The following LONRF2 variants were observed in gnomAD, a reference collection of about 807,000 sequenced individuals.
LONRF2 encodes LON peptidase N-terminal domain and ring finger 2, also known as LON peptidase N-terminal domain and RING finger protein 2.
In LONRF2, 35 loss-of-function variants were observed where a neutral mutation model predicts 66.6. The ratio of observed to expected loss-of-function variants is 0.53; its 90% CI spans 0.40 to 0.70. LONRF2 has a LOEUF of 0.70. Ranked by LOEUF, LONRF2 falls within the 30% of genes least tolerant of loss-of-function variation. The probability of loss-of-function intolerance (pLI) is 0.00; values close to 1 mark genes in which losing one functional copy is unlikely to be tolerated. For synonymous variants in LONRF2, 417 were observed against 418.1 expected (o/e 1.00, Z 0.03); for missense variants, 902 against 1,002.1 (o/e 0.90, Z 1.35).
Position 100,298,949 on chromosome 2 carries a change from A to G in LONRF2, c.1363T>C (p.Leu455=), listed in dbSNP as rs1675124517. The change falls in exon 7 of 12, where the codon TTG becomes CTG. Residue 455 remains leucine (L), a splice_region_variant and synonymous_variant. Transcript: ENST00000393437. The part of the protein sequence containing the change: ...TDFECALCMR[L]LFEPVTTPCG... ...GGCGTAGTGACAGGTTCAAAGAGCA[A>G]TCTGGAAGAAAATATCTGTTTTCAG... 6.2e-7 allele frequency: 1 copy of G among 1,608,786 alleles called. No individual in the cohort carries two copies. Among genetic ancestry groups the G allele is most frequent in the Non-Finnish European group, 8.5e-7 (1 of 1,175,274 alleles).
Position 100,275,674 on chromosome 2 carries a change from G to C in LONRF2, c.*8624C>G, listed in dbSNP as rs558962117. On this transcript the variant is annotated 3_prime_UTR_variant, in exon 12 of 12. Transcript: ENST00000393437. ...TGAGGTTTGAGGAAAAGGGGAAGGG[G>C]TGGGACACTTTGTTCCCACTCCCCT... 6.6e-6 allele frequency: 1 copy of C among 152,242 alleles called. No homozygotes were observed. The highest frequency in any genetic ancestry group is 1.9e-4 in the East Asian group (1 of 5,168). The allele number at this position is 152,242 out of a possible 1,614,324, so 9.4% of individuals were successfully genotyped here. A position where few individuals can be genotyped will look rare whatever the true frequency, so the allele number is the denominator to read the frequency against.
intron 11 of LONRF2, among the ~76,000 whole-genome samples, chr2:100,285,036 T>C (rs1215234947): frequency 6.6e-6 from 1 of 152,226 alleles, no homozygotes; most frequent in African/African-American, 2.4e-5. Context: ...AACCTTTATT[T>C]CACATAATCA....
chr2:100,294,292 A>C lies in LONRF2; in HGVS notation c.1694T>G (p.Ile565Arg), dbSNP rs1286059517. 2.5e-6 allele frequency: 4 copies of C among 1,609,276 alleles called. No homozygotes were observed. Among genetic ancestry groups the C allele is most frequent in the Non-Finnish European group, 3.4e-6 (4 of 1,178,296 alleles). Residue 565 changes from isoleucine (I) to arginine (R), a missense_variant, in exon 9 of 12, where the codon ATA (isoleucine) becomes AGA (arginine). Ile to Arg is a moderately conservative substitution (Grantham distance 97). Transcript: ENST00000393437. ...HVFEPRYRLM[I>R]RRCMETGTKR... ...GGTGCCAGTTTCCATGCATCTTCTTATCATAAGCCGATAGCGGGGCTCAAA... is the reference window on the plus strand; with the variant it reads ...GGTGCCAGTTTCCATGCATCTTCTTCTCATAAGCCGATAGCGGGGCTCAAA...
At chr2:100,301,625 G>A (rs1279670321) in intron 3 of LONRF2, among the ~76,000 whole-genome samples, 1 of 152,192 alleles carries the variant, frequency 6.6e-6, no homozygotes, top group Non-Finnish European at 1.5e-5. Flanking sequence ...ATTGTTTTTG[G>A]TACCGTCTGT....
rs576661095 is a variant in LONRF2 at position 100,275,613 on chromosome 2, G to A, written c.*8685C>T. ...GTTGTGACTCATTCCTCAATCCGGT[G>A]GGATGCAAAGGATCTATCCATAGAG... is the stretch of plus-strand genomic sequence containing the variant. On this transcript the variant is annotated 3_prime_UTR_variant, in exon 12 of 12. Transcript: ENST00000393437. 6.6e-6 allele frequency: 1 copy of A among 152,330 alleles called. No individual in the cohort carries two copies. Among genetic ancestry groups the A allele is most frequent in the South Asian group, 2.1e-4 (1 of 4,820 alleles). 9.4% of individuals were successfully genotyped at this position (152,330 alleles called of 1,614,324 possible).
At chr2:100,300,005 C>A in intron 4 of LONRF2, 87 bp from the exon 5 acceptor site, 5 of 512,140 alleles carry the variant, frequency 9.8e-6, no homozygotes, top group Non-Finnish European at 8.8e-6. Context: ...TACTAGAAAT[C>A]TTTGGAAAAA....
chr2:100,320,229 G>A (rs551270214), intron 1 of LONRF2, among the ~76,000 whole-genome samples: 73 of 152,198 alleles, frequency 4.8e-4, no homozygotes, highest in African/African-American at 1.7e-3. Flanking sequence ...ATTATGTGTG[G>A]CTTACACAAT....
intron 10 of LONRF2, among the ~76,000 whole-genome samples, chr2:100,287,686 C>G (rs1183202676): frequency 1.3e-5 from 2 of 152,232 alleles, no homozygotes; most frequent in Admixed American, 1.3e-4. Flanking sequence ...AGCTTGGCCT[C>G]TGGTCCCTAT....
intron 1 of LONRF2, among the ~76,000 whole-genome samples, chr2:100,311,241 T>C (rs2104206295): frequency 6.6e-6 from 1 of 152,230 alleles, no homozygotes; most frequent in East Asian, 1.9e-4. Context: ...TTAAATGCAT[T>C]TTGAAATATA....
rs537979889 is a variant in LONRF2, at chr2:100,276,177, C to T, written c.*8121G>A. ...CCTATTGGCTTTTGTGTCTCCATAA[C>T]TTAGGTTCTAAATTAATTGTAACAT... On this transcript the variant is annotated 3_prime_UTR_variant, in exon 12 of 12. Transcript: ENST00000393437. 7 of 152,254 alleles carry T rather than the reference C, an allele frequency of 4.6e-5. No homozygotes were observed. In the South Asian group the frequency reaches 1.5e-3, roughly 32 times the overall value. 9.4% of individuals were successfully genotyped at this position (152,254 alleles called of 1,614,324 possible).
In LONRF2 at chr2:100,299,767, T is replaced by A; in HGVS notation, c.1217A>T (p.Asp406Val). 1 of 1,614,094 alleles carries A rather than the reference T, an allele frequency of 6.2e-7. No individual in the cohort carries two copies. The highest frequency in any genetic ancestry group is 8.5e-7 in the Non-Finnish European group (1 of 1,179,984). ...SAGLKRQFPD[D>V]VEDAPDLNAP... Reference sequence around the variant, plus strand: ...GTTCAGGTCAGGTGCATCCTCCACGTCATCCGGAAACTGTCTCTTTAAGCC... The same window carrying A: ...GTTCAGGTCAGGTGCATCCTCCACGACATCCGGAAACTGTCTCTTTAAGCC... Residue 406 changes from aspartate to valine, a missense_variant, in exon 5 of 12, where the codon GAC (aspartate) becomes GTC (valine). By Grantham distance (152) the Asp-to-Val change is radical (BLOSUM62 -3). This residue lies in a region of LONRF2 where 585 missense variants were observed against 569.9 expected (regional missense o/e 1.03). Transcript: ENST00000393437.
Position 100,279,879 on chromosome 2 carries a change from G to T in LONRF2, c.*4419C>A, listed in dbSNP as rs769417428. On this transcript the variant is annotated 3_prime_UTR_variant, in exon 12 of 12. Coordinates refer to ENST00000393437, the MANE Select transcript of LONRF2 (RefSeq NM_198461.4). ...ACATACAGTAGAGGGTCTGAGCCAC[G>T]TTCCTCCTCACTCCTGCTTCTGCCT... The T allele has an allele frequency of 6.6e-6, 1 of 152,300 alleles. No individual in the cohort carries two copies. The allele number at this position is 152,300 out of a possible 1,614,324, so 9.4% of individuals were successfully genotyped here.
At chr2:100,289,322 G>T (rs758410992) in intron 10 of LONRF2, among the ~76,000 whole-genome samples, 5 of 152,036 alleles carry the variant, frequency 3.3e-5, no homozygotes, top group Admixed American at 6.6e-5. Context: ...CTTATTAGCC[G>T]GCCCTTTACA....
At chr2:100,304,291 G>A (rs1675244571) in intron 2 of LONRF2, among the ~76,000 whole-genome samples, 1 of 149,134 alleles carries the variant, frequency 6.7e-6, no homozygotes, top group Admixed American at 6.7e-5. Context: ...TCAGACTACA[G>A]GCACATGCCA....
chr2:100,275,434 T>G lies in LONRF2; in HGVS notation c.*8864A>C, dbSNP rs1293337802. On this transcript the variant is annotated 3_prime_UTR_variant, in exon 12 of 12. Coordinates refer to ENST00000393437, the MANE Select transcript of LONRF2 (RefSeq NM_198461.4). ...TGAGGGGCCCTCCCCCAGCATCCAGTGAGGAATTAATCGCACTCCTGGGCA... is the reference window on the plus strand; with the variant it reads ...TGAGGGGCCCTCCCCCAGCATCCAGGGAGGAATTAATCGCACTCCTGGGCA... 1 of 152,204 alleles carries G rather than the reference T, an allele frequency of 6.6e-6. No individual in the cohort carries two copies. Among genetic ancestry groups the G allele is most frequent in the Non-Finnish European group, 1.5e-5 (1 of 68,052 alleles). 9.4% of individuals were successfully genotyped at this position (152,204 alleles called of 1,614,324 possible).
intron 10 of LONRF2, 32 bp downstream of exon 10, chr2:100,290,226 G>C (rs370082763): frequency 6.3e-7 from 1 of 1,585,052 alleles, no homozygotes; most frequent in East Asian, 2.3e-5. Context: ...AGGACCGACT[G>C]CTATAAAATA....
intron 9 of LONRF2, 138 bp downstream of exon 9, chr2:100,294,091 G>A (rs1675014481): frequency 3.3e-6 from 3 of 912,646 alleles, no homozygotes; most frequent in East Asian, 2.7e-5. Context: ...TGCATTGTGG[G>A]CAGCCTTGAA....
At chr2:100,291,222 C>A (rs1176420828) in intron 9 of LONRF2, among the ~76,000 whole-genome samples, 1 of 151,942 alleles carries the variant, frequency 6.6e-6, no homozygotes, top group African/African-American at 2.4e-5. Flanking sequence ...TGGGCTGGCA[C>A]CAGAGTGCAG....
At position 100,302,862 on chromosome 2, in the gene LONRF2, A is replaced by G. The variant is rs755670411; in HGVS notation, c.921+59T>C. 8 of 1,440,168 alleles carry G rather than the reference A, an allele frequency of 5.6e-6. No homozygotes were observed. The Admixed American group carries it at 7.3e-5, about 13-fold the overall frequency. 89.2% of individuals were successfully genotyped at this position (1,440,168 alleles called of 1,614,324 possible). On this transcript the variant is annotated intron_variant, in intron 3 of 11. Coordinates refer to ENST00000393437, the MANE Select transcript of LONRF2 (RefSeq NM_198461.4). Reference sequence around the variant, plus strand: ...ATTTCACATGCAAGGGTTACTCAGCATGGACATGAAGGCTATAAATAAGAC... The same window carrying G: ...ATTTCACATGCAAGGGTTACTCAGCGTGGACATGAAGGCTATAAATAAGAC...
Sources: gnomAD v4.1 joint callset for allele counts (sites outside exome capture counted in the v4.1 genomes callset) on GRCh38, gnomAD v4.1.1 for gene constraint, gnomAD v4.1.1 regional missense constraint, MANE v1.5 for transcripts, NCBI Gene and HGNC (gene_info 2026-07-23, HGNC 2026-07-21) for gene names.